Variants in BTD observed in about 807,000 individuals in gnomAD.
BTD encodes the protein biocytinase.
In BTD, 13 loss-of-function variants were observed where a neutral mutation model predicts 17.7. The observed-to-expected ratio is 0.74, with a 90% CI of 0.48 to 1.17. The LOEUF (loss-of-function observed/expected upper bound fraction) is 1.17. Ranked by LOEUF, BTD falls within the 50% of genes most tolerant of loss-of-function variation. The pLI, the probability that BTD is intolerant of heterozygous loss-of-function variation, is 0.00. For synonymous variants in BTD, 240 were observed against 245.2 expected, an observed-to-expected ratio of 0.98 and a Z score of 0.20; for missense variants, 674 against 650.4, an observed-to-expected ratio of 1.04 and a Z score of -0.39.
intron 3 of BTD, 46 bp from the exon 4 acceptor site, chr3:15,644,270 G>T (rs1484028536): frequency 6.3e-7 from 1 of 1,577,342 alleles, no homozygotes; most frequent in Admixed American, 1.8e-5. Context: ...ACAGTGCTGG[G>T]ATTACAGGCA....
chr3:15,672,810 C>G (rs1369225324), intron 3 of BTD, among the ~76,000 whole-genome samples: 2 of 152,318 alleles, frequency 1.3e-5, no homozygotes, highest in Admixed American at 1.3e-4. Context: ...AAGTCTGGCT[C>G]TGTCACCCAG....
downstream of BTD, among the ~76,000 whole-genome samples, chr3:15,657,080 G>A (rs1421219187): frequency 6.6e-6 from 1 of 152,174 alleles, no homozygotes; most frequent in Non-Finnish European, 1.5e-5. Context: ...CAGCATGCTG[G>A]TCTGAGGATA....
chr3:15,616,634 G>C (rs1426988671), intron 1 of BTD, among the ~76,000 whole-genome samples: 1 of 151,502 alleles, frequency 6.6e-6, no homozygotes, highest in South Asian at 2.1e-4. Flanking sequence ...AAAAAGTTTT[G>C]TTTTTTTCCT....
At chr3:15,683,105 T>C (rs2067711400) in intron 3 of BTD, among the ~76,000 whole-genome samples, 1 of 152,160 alleles carries the variant, frequency 6.6e-6, no homozygotes, top group Non-Finnish European at 1.5e-5. Flanking sequence ...CAAAGGACAG[T>C]TACAGCAGTA....
At chr3:15,675,833 T>C (rs2125642828) in intron 3 of BTD, 4 of 1,307,490 alleles carry the variant, frequency 3.1e-6, no homozygotes, top group Non-Finnish European at 4.1e-6. Flanking sequence ...AGTTTATTTC[T>C]CTTCAAATAT....
chr3:15,670,134 C>A, intron 3 of BTD: 1 of 960,788 alleles, frequency 1.0e-6, no homozygotes, highest in Non-Finnish European at 1.5e-6. Flanking sequence ...CTCCTAATGC[C>A]ATCAGATCTC....
intron 3 of BTD, chr3:15,668,061 A>G (rs2066074911): frequency 6.6e-6 from 1 of 152,246 alleles, no homozygotes; most frequent in Non-Finnish European, 1.5e-5. Context: ...AGGCCCAAAG[A>G]CAGAAGTTAC....
At chr3:15,680,493 C>T (rs1210085058) in intron 3 of BTD, among the ~76,000 whole-genome samples, 1 of 152,084 alleles carries the variant, frequency 6.6e-6, no homozygotes, top group Non-Finnish European at 1.5e-5. Flanking sequence ...AGGTGTGAGC[C>T]ACCATGCCCG....
intron 1 of BTD, among the ~76,000 whole-genome samples, chr3:15,622,803 A>G (rs561043072): frequency 1.3e-5 from 2 of 152,244 alleles, no homozygotes; most frequent in African/African-American, 2.4e-5. Flanking sequence ...TTTGTGACCC[A>G]CTTTTTAATC....
Position 15,644,529 on chromosome 3 carries a change from C to T in BTD, c.613C>T (p.Leu205Phe). The stretch of plus-strand genomic sequence containing the variant: ...CTTTGAGGCAGCATTCGATGTTCCT[C>T]TTAAAGTGGATCTCATCACCTTTGA... ...LYFEAAFDVP[L>F]KVDLITFDTP... Residue 205 changes from leucine to phenylalanine, a missense_variant, in exon 4 of 4, where the codon CTT (leucine) becomes TTT (phenylalanine). By Grantham distance (22) the Leu-to-Phe change is conservative (BLOSUM62 0). Transcript: ENST00000643237. The T allele has an allele frequency of 6.2e-7, 1 of 1,614,196 alleles. No individual in the cohort carries two copies. Among genetic ancestry groups the T allele is most frequent in the South Asian group, 1.1e-5 (1 of 91,082 alleles).
intron 3 of BTD, chr3:15,642,351 C>T: frequency 9.7e-7 from 1 of 1,031,004 alleles, no homozygotes; most frequent in Admixed American, 3.0e-5. Context: ...TTCACCACAG[C>T]CTGCACCTCA....
intron 3 of BTD, among the ~76,000 whole-genome samples, chr3:15,699,507 A>G (rs1413334621): frequency 6.6e-6 from 1 of 152,218 alleles, no homozygotes; most frequent in Non-Finnish European, 1.5e-5. Flanking sequence ...ACAAAGGGCT[A>G]ATATCCAGAA....
rs915936102 is a variant in BTD, at chr3:15,666,176, A to G, written c.399+24119A>G. On this transcript the variant is annotated intron_variant, in intron 3 of 3. Coordinates refer to the BTD transcript ENST00000672141. ...ATAAACACCTGTTGCAGTCAGATTT[A>G]CATGTTTCTCCTAAAAATAATCTAG... 5.3e-5 allele frequency among the ~76,000 whole-genome samples: 8 copies of G among 152,200 alleles called. No homozygotes were observed. The East Asian group carries it at 1.5e-3, about 29-fold the overall frequency.
At chr3:15,627,193 A>G (rs1168842701) in intron 1 of BTD, among the ~76,000 whole-genome samples, 2 of 152,038 alleles carry the variant, frequency 1.3e-5, no homozygotes, top group Non-Finnish European at 2.9e-5. Context: ...CCCACCACGC[A>G]TGGATCAAGA....
chr3:15,644,146 A>G (rs999736371), intron 3 of BTD, among the ~76,000 whole-genome samples, 170 bp from the exon 4 acceptor site: 2 of 151,916 alleles, frequency 1.3e-5, no homozygotes, highest in African/African-American at 2.4e-5. Context: ...GACTACAGGC[A>G]TCCACCACCA....
chr3:15,658,892 G>A (rs1329781326), intron 3 of BTD, among the ~76,000 whole-genome samples: 1 of 152,146 alleles, frequency 6.6e-6, no homozygotes, highest in African/African-American at 2.4e-5. Context: ...GAAAACTCAG[G>A]AAGGTTATGT....
intron 3 of BTD, chr3:15,683,845 T>A (rs1385195452): frequency 6.6e-6 from 1 of 152,226 alleles, no homozygotes. Flanking sequence ...GTGAAAGAAC[T>A]ATGAAACAGC....
intron 3 of BTD, chr3:15,685,427 C>T: frequency 6.2e-7 from 1 of 1,614,000 alleles, no homozygotes; most frequent in Non-Finnish European, 8.5e-7. Context: ...TCTACACATT[C>T]TTCATGGCCT....
intron 1 of BTD, among the ~76,000 whole-genome samples, chr3:15,615,739 T>G (rs1443005875): frequency 6.6e-6 from 1 of 152,234 alleles, no homozygotes; most frequent in Non-Finnish European, 1.5e-5. Flanking sequence ...TTTGTTATAA[T>G]CAGTGAACCT....
Sources: allele counts gnomAD v4.1 joint callset (sites outside exome capture counted in the v4.1 genomes callset), GRCh38; gene constraint gnomAD v4.1.1; transcripts MANE v1.5; gene names NCBI Gene and HGNC (gene_info 2026-07-23, HGNC 2026-07-21).